Variants in IKZF2 observed in about 807,000 individuals in gnomAD.
IKZF2 encodes the protein IKAROS family zinc finger 2, also known as zinc finger protein Helios.
IKZF2 carries 15 observed loss-of-function variants against 49.2 expected under a neutral mutation model. The observed-to-expected ratio is 0.30, with a 90% confidence interval of 0.20 to 0.47. The LOEUF is 0.47. IKZF2 is among the 20% of genes least tolerant of loss of function. The pLI is 1.00. For missense variants in IKZF2, 567 were observed against 664.6 expected (o/e 0.85, Z 1.61); for synonymous variants, 227 against 221.4 (o/e 1.03, Z -0.23).
At chr2:213,096,067 G>T (rs1442100477) in intron 4 of IKZF2, among the ~76,000 whole-genome samples, 1 of 151,884 alleles carries the variant, frequency 6.6e-6, no homozygotes, top group East Asian at 1.9e-4. Flanking sequence ...GCCTAGAAGA[G>T]GTACTGGAGA....
chr2:213,082,502 A>G (rs1429513611), intron 4 of IKZF2, among the ~76,000 whole-genome samples: 1 of 152,204 alleles, frequency 6.6e-6, no homozygotes, highest in Non-Finnish European at 1.5e-5. Context: ...CATTTGCACA[A>G]AAGAATCTGT....
intron 4 of IKZF2, among the ~76,000 whole-genome samples, chr2:213,076,777 A>T (rs556865437): frequency 1.3e-5 from 2 of 152,300 alleles, no homozygotes; most frequent in South Asian, 4.1e-4. Context: ...ACTATTAAGA[A>T]ATGAAAGTCC....
intron 6 of IKZF2, among the ~76,000 whole-genome samples, chr2:213,046,022 C>T (rs1700117302): frequency 6.6e-6 from 1 of 152,154 alleles, no homozygotes; most frequent in South Asian, 2.1e-4. Context: ...TATGACATCT[C>T]TGTCAATGGA....
intron 4 of IKZF2, among the ~76,000 whole-genome samples, chr2:213,077,517 A>C (rs556904128): frequency 6.7e-6 from 1 of 149,862 alleles, no homozygotes; most frequent in South Asian, 2.1e-4. Context: ...ACATCTTTGC[A>C]ATTTGTTTTT....
At chr2:213,047,512 ACT>A (rs770634902) in intron 6 of IKZF2, among the ~76,000 whole-genome samples, 4 of 152,098 alleles carry the variant, frequency 2.6e-5, no homozygotes, top group Non-Finnish European at 5.9e-5. Flanking sequence ...AAGGCTTTTT[ACT>A]CTGTGTCCTG....
chr2:213,103,082 G>A (rs970984203), intron 4 of IKZF2, among the ~76,000 whole-genome samples: 3 of 152,152 alleles, frequency 2.0e-5, no homozygotes, highest in African/African-American at 7.2e-5. Context: ...ACCGTAGAGG[G>A]GGCTTAAATA....
At chr2:213,031,535 G>T (rs1698438662) in intron 6 of IKZF2, among the ~76,000 whole-genome samples, 1 of 152,160 alleles carries the variant, frequency 6.6e-6, no homozygotes, top group African/African-American at 2.4e-5. Flanking sequence ...TCTTATGTAA[G>T]ATTATTTTTA....
intron 4 of IKZF2, among the ~76,000 whole-genome samples, chr2:213,126,897 C>G (rs1351108968): frequency 1.3e-5 from 2 of 152,134 alleles, no homozygotes; most frequent in African/African-American, 4.8e-5. Flanking sequence ...ATTACTGCTG[C>G]ACAAATTTAC....
At chr2:213,076,614 T>C (rs555983993) in intron 4 of IKZF2, among the ~76,000 whole-genome samples, 4 of 152,342 alleles carry the variant, frequency 2.6e-5, no homozygotes, top group South Asian at 2.1e-4. Context: ...ATGTTTAATA[T>C]AGAAAAGAGA....
At chr2:213,136,726 A>G (rs1482221276) in intron 4 of IKZF2, among the ~76,000 whole-genome samples, 1 of 152,212 alleles carries the variant, frequency 6.6e-6, no homozygotes, top group Non-Finnish European at 1.5e-5. Context: ...GACTTAAAGA[A>G]TGTAGAACTA....
intron 6 of IKZF2, among the ~76,000 whole-genome samples, chr2:213,042,279 G>T (rs1033784707): frequency 1.3e-5 from 2 of 152,162 alleles, no homozygotes; most frequent in African/African-American, 2.4e-5. Flanking sequence ...TCCAGGGTCT[G>T]CCTGTGTGAC....
chr2:213,049,658 AC>A, intron 6 of IKZF2, 54 bp downstream of exon 6: 3 of 1,350,314 alleles, frequency 2.2e-6, no homozygotes, highest in Non-Finnish European at 3.0e-6. Context: ...ATTCAATAGT[AC>A]TCTTCTAAGT....
chr2:213,133,849 T>G (rs557561792), intron 4 of IKZF2, among the ~76,000 whole-genome samples: 40 of 152,252 alleles, frequency 2.6e-4, no homozygotes, highest in African/African-American at 9.6e-4. Context: ...CTATGCTAGA[T>G]GTAAAAGCAT....
At chr2:213,121,928 G>A (rs2060071502) in intron 4 of IKZF2, among the ~76,000 whole-genome samples, 1 of 152,156 alleles carries the variant, frequency 6.6e-6, no homozygotes, top group Non-Finnish European at 1.5e-5. Context: ...TCAACAGGCT[G>A]AAGGAATACA....
intron 4 of IKZF2, among the ~76,000 whole-genome samples, chr2:213,084,166 A>G (rs1191488042): frequency 6.6e-6 from 1 of 152,142 alleles, no homozygotes; most frequent in African/African-American, 2.4e-5. Flanking sequence ...GTGGAATTCA[A>G]CCACCTTGAT....
intron 6 of IKZF2, 42 bp downstream of exon 6, chr2:213,049,671 T>C: frequency 6.8e-7 from 1 of 1,468,916 alleles, no homozygotes; most frequent in South Asian, 1.4e-5. Flanking sequence ...CTTCTAAGTT[T>C]TCCTGTTTTA....
Position 213,057,091 on chromosome 2 carries a change from C to A in IKZF2, c.148G>T (p.Val50Leu). ...SPSHMTSTNS[V>L]KLEMQSDEEC... ...TCATCACTCTGCATTTCTAGCTTTA[C>A]TGAATTTGCTGTAATTTGAAAAGAA... Residue 50 changes from valine (V) to leucine (L), a missense_variant, in exon 5 of 9, where the codon GTA becomes TTA. This residue lies in a region of IKZF2 where 156 missense variants were observed against 138.5 expected (regional missense o/e 1.13). Coordinates refer to ENST00000434687, the MANE Select transcript of IKZF2 (RefSeq NM_001387220.1). 2 of 1,610,144 alleles carry A rather than the reference C, an allele frequency of 1.2e-6. No homozygotes were observed. The highest frequency in any genetic ancestry group is 1.7e-6 in the Non-Finnish European group (2 of 1,178,718).
chr2:213,135,852 C>T (rs1423765211), intron 4 of IKZF2, among the ~76,000 whole-genome samples: 3 of 150,522 alleles, frequency 2.0e-5, no homozygotes, highest in Non-Finnish European at 3.0e-5. Flanking sequence ...AGTACGAGAG[C>T]GCCTGACCAA....
chr2:213,074,394 T>C (rs1475582070), intron 4 of IKZF2, among the ~76,000 whole-genome samples: 5 of 152,154 alleles, frequency 3.3e-5, no homozygotes, highest in Admixed American at 2.0e-4. Context: ...ACTGAATACG[T>C]AGGCAATTGT....
Sources: allele counts gnomAD v4.1 joint callset (sites outside exome capture counted in the v4.1 genomes callset), GRCh38; gene constraint gnomAD v4.1.1; regional missense constraint gnomAD v4.1.1; transcripts MANE v1.5; gene names NCBI Gene and HGNC (gene_info 2026-07-23, HGNC 2026-07-21).